EIF2AK2: variants seen among roughly 807,000 people sequenced by gnomAD.
EIF2AK2 encodes the protein interferon-induced, double-stranded RNA-activated protein kinase.
A neutral mutation model predicts 70.5 loss-of-function variants in EIF2AK2; 40 were observed. That is an observed-to-expected ratio of 0.57 (90% CI 0.44 to 0.74). The LOEUF (loss-of-function observed/expected upper bound fraction) is 0.74. Ranked by LOEUF, EIF2AK2 falls within the 30% of genes least tolerant of loss-of-function variation. EIF2AK2 has a pLI of 0.00. For missense variants in EIF2AK2, 555 were observed against 644.3 expected, an observed-to-expected ratio of 0.86 and a Z score of 1.50; for synonymous variants, 198 against 220.9, an observed-to-expected ratio of 0.90 and a Z score of 0.92.
intron 10 of EIF2AK2, among the ~76,000 whole-genome samples, chr2:37,127,544 G>A (rs190725523): frequency 3.6e-4 from 55 of 151,968 alleles, no homozygotes; most frequent in African/African-American, 1.2e-3. Flanking sequence ...GTCTGTTCTC[G>A]AACTTTCACA....
Position 37,105,885 on chromosome 2 carries a change from G to A in EIF2AK2, c.*1388C>T, listed in dbSNP as rs1461618209. On this transcript the variant is annotated 3_prime_UTR_variant, in exon 17 of 17. Coordinates refer to ENST00000233057, the MANE Select transcript of EIF2AK2 (RefSeq NM_001135651.3). The stretch of plus-strand genomic sequence containing the variant: ...ACTGGGCTGTCACTTCTAGCCCTGT[G>A]CTCAGCAGAAAGCCATCTTACCCTT... 3 of 152,166 alleles carry A rather than the reference G, an allele frequency of 2.0e-5. 1 individual carries two copies. In the East Asian group the frequency reaches 5.8e-4, roughly 29 times the overall value. The allele number at this position is 152,166 out of a possible 1,614,324, so 9.4% of individuals were successfully genotyped here. A position where few individuals can be genotyped will look rare whatever the true frequency, so the allele number is the denominator to read the frequency against.
At chr2:37,153,767 C>T (rs115643138) in intron 1 of EIF2AK2, among the ~76,000 whole-genome samples, 4,666 of 152,252 alleles carry the variant, frequency 0.031, 113 homozygotes, top group Middle Eastern at 0.061. Flanking sequence ...TTTTGGCCAT[C>T]TTGAATCATG....
chr2:37,122,101 T>C (rs1674573815), intron 12 of EIF2AK2, among the ~76,000 whole-genome samples: 2 of 152,142 alleles, frequency 1.3e-5, no homozygotes, highest in African/African-American at 4.8e-5. Context: ...AATCACAGCC[T>C]AAGAGAGGGA....
intron 10 of EIF2AK2, among the ~76,000 whole-genome samples, chr2:37,133,243 T>G (rs915275634): frequency 1.3e-5 from 2 of 152,194 alleles, no homozygotes; most frequent in Admixed American, 6.5e-5. Flanking sequence ...AAACCTTTAA[T>G]GCTCATCCCC....
chr2:37,130,274 G>T (rs1354833925), intron 10 of EIF2AK2, among the ~76,000 whole-genome samples: 1 of 151,954 alleles, frequency 6.6e-6, no homozygotes, highest in East Asian at 1.9e-4. Context: ...ACTAATTTTT[G>T]TATTTTTAGT....
intron 13 of EIF2AK2, among the ~76,000 whole-genome samples, chr2:37,116,112 T>G (rs1674332695): frequency 6.6e-6 from 1 of 152,158 alleles, no homozygotes; most frequent in Non-Finnish European, 1.5e-5. Context: ...TTGGCCAGAT[T>G]GGTCTCAAAC....
chr2:37,154,339 AAAAC>A (rs1334728035), intron 1 of EIF2AK2, among the ~76,000 whole-genome samples: 1 of 152,010 alleles, frequency 6.6e-6, no homozygotes, highest in Non-Finnish European at 1.5e-5. Flanking sequence ...AAAAAAAACA[AAAAC>A]AAAACAAACA....
At chr2:37,144,606 C>T (rs556813578) in intron 4 of EIF2AK2, among the ~76,000 whole-genome samples, 1 of 150,648 alleles carries the variant, frequency 6.6e-6, no homozygotes, top group Middle Eastern at 3.4e-3. Flanking sequence ...TTTTTTGAGA[C>T]AGGGTCTTGC....
In EIF2AK2 at chr2:37,105,690, T is replaced by C. The variant is rs1213549660; in HGVS notation, c.*1583A>G. On this transcript the variant is annotated 3_prime_UTR_variant, in exon 17 of 17. Coordinates refer to ENST00000233057, the MANE Select transcript of EIF2AK2 (RefSeq NM_001135651.3). ...GAAATTCACCCTCAGGGTCGTCTTC[T>C]AAGATGCAATTTAAATTATCTTCTC... The C allele has an allele frequency of 6.6e-6, 1 of 152,264 alleles. No individual in the cohort carries two copies. Among genetic ancestry groups the C allele is most frequent in the Non-Finnish European group, 1.5e-5 (1 of 68,064 alleles). The allele number at this position is 152,264 out of a possible 1,614,324, so 9.4% of individuals were successfully genotyped here.
intron 4 of EIF2AK2, among the ~76,000 whole-genome samples, chr2:37,145,327 G>C (rs76487195): frequency 6.6e-6 from 1 of 151,852 alleles, no homozygotes; most frequent in African/African-American, 2.4e-5. Context: ...ATTTTCAGTA[G>C]AGACAGGGTT....
intron 12 of EIF2AK2, among the ~76,000 whole-genome samples, chr2:37,121,280 A>C (rs868346768): frequency 6.6e-6 from 1 of 151,352 alleles, no homozygotes; most frequent in African/African-American, 2.4e-5. Flanking sequence ...AAAAAAAAAA[A>C]AAAAACGAGA....
At chr2:37,135,153 C>T (rs1675083245) in intron 10 of EIF2AK2, among the ~76,000 whole-genome samples, 1 of 152,174 alleles carries the variant, frequency 6.6e-6, no homozygotes, top group African/African-American at 2.4e-5. Flanking sequence ...GGGACCTCTG[C>T]CTCTCATTGG....
At chr2:37,124,494 C>G (rs572138259) in intron 11 of EIF2AK2, among the ~76,000 whole-genome samples, 1 of 152,046 alleles carries the variant, frequency 6.6e-6, no homozygotes, top group South Asian at 2.1e-4. Flanking sequence ...CTCTTGACCT[C>G]GTGATCTGCC....
In EIF2AK2 at chr2:37,138,286, C is replaced by G. The variant is rs368648580; in HGVS notation, c.671G>C (p.Ser224Thr). 6.2e-7 allele frequency: 1 copy of G among 1,612,900 alleles called. No individual in the cohort carries two copies. The highest frequency in any genetic ancestry group is 8.5e-7 in the Non-Finnish European group (1 of 1,179,436). ...EINSNSDSLN[S>T]SSLLMNGLRN... Reference sequence around the variant, plus strand: ...ATACGATACCATAAGCAACGAAGAACTGTTTAAACTGTCACTGTTAGAATT... The same window carrying G: ...ATACGATACCATAAGCAACGAAGAAGTGTTTAAACTGTCACTGTTAGAATT... Residue 224 changes from serine (S) to threonine (T), a missense_variant, in exon 8 of 17, where the codon AGT becomes ACT. Physicochemically the swap from Ser to Thr is moderately conservative, Grantham distance 58. Transcript: ENST00000233057.
chr2:37,146,766 A>C, intron 4 of EIF2AK2, 87 bp downstream of exon 4: 1 of 1,505,864 alleles, frequency 6.6e-7, no homozygotes, highest in Non-Finnish European at 9.0e-7. Flanking sequence ...GAATGGCTTT[A>C]CTCTGTATGA....
At chr2:37,130,587 T>A (rs540788640) in intron 10 of EIF2AK2, among the ~76,000 whole-genome samples, 1 of 152,310 alleles carries the variant, frequency 6.6e-6, no homozygotes, top group East Asian at 1.9e-4. Flanking sequence ...ATACTAGCTA[T>A]TTCTCTGCAT....
At chr2:37,128,129 T>C (rs1674807950) in intron 10 of EIF2AK2, among the ~76,000 whole-genome samples, 1 of 152,180 alleles carries the variant, frequency 6.6e-6, no homozygotes, top group Non-Finnish European at 1.5e-5. Context: ...ACCATAAACC[T>C]GATGCCCAGC....
intron 4 of EIF2AK2, 38 bp downstream of exon 4, chr2:37,146,815 C>T (rs371251385): frequency 1.9e-6 from 3 of 1,539,762 alleles, no homozygotes; most frequent in Non-Finnish European, 2.6e-6. Context: ...AATGTATTTG[C>T]AAGTTCCCAT....
intron 13 of EIF2AK2, among the ~76,000 whole-genome samples, chr2:37,115,999 C>A (rs1037052202): frequency 6.6e-6 from 1 of 151,996 alleles, no homozygotes; most frequent in African/African-American, 2.4e-5. Context: ...TGGGTTCAAG[C>A]AATTCTCCTG....
Sources: gnomAD v4.1 joint callset for allele counts (sites outside exome capture counted in the v4.1 genomes callset) on GRCh38, gnomAD v4.1.1 for gene constraint, MANE v1.5 for transcripts, NCBI Gene and HGNC (gene_info 2026-07-23, HGNC 2026-07-21) for gene names.